CDH15: variants seen among roughly 807,000 people sequenced by gnomAD.
CDH15 encodes the protein cadherin 15, also known as cadherin-15.
In CDH15, 73 loss-of-function variants were observed where a neutral mutation model predicts 69.4. That is an observed-to-expected ratio of 1.05 (90% CI 0.87 to 1.28). CDH15 has a LOEUF of 1.28. Among genes scored for constraint, CDH15 ranks in the 50% most tolerant of loss-of-function variants. CDH15 has a pLI of 0.00. For synonymous variants in CDH15, 624 were observed against 507.7 expected (o/e 1.23, Z -3.08); for missense variants, 1,343 against 1,133.6 (o/e 1.18, Z -2.65).
intron 1 of CDH15, among the ~76,000 whole-genome samples, chr16:89,175,295 G>A (rs2151597472): frequency 6.6e-6 from 1 of 152,334 alleles, no homozygotes; most frequent in East Asian, 1.9e-4. Context: ...CCGGGTGGGG[G>A]TGGCCCCTCC....
chr16:89,194,959 G>A lies in CDH15; in HGVS notation c.2249G>A (p.Ser750Asn). 6.2e-7 allele frequency: 1 copy of A among 1,610,040 alleles called. No individual in the cohort carries two copies. Among genetic ancestry groups the A allele is most frequent in the East Asian group, 2.2e-5 (1 of 44,824 alleles). The change falls in exon 14 of 14, where the codon AGC becomes AAC. Residue 750 changes from serine to asparagine, a missense_variant. Coordinates refer to ENST00000289746, the MANE Select transcript of CDH15 (RefSeq NM_004933.3). The stretch of plus-strand genomic sequence containing the variant: ...GACGGCTCGGTGGCGGGGACGCTGA[G>A]CTCCATCCTGTCCAGCCAGGGCGAT... ...EGDGSVAGTL[S>N]SILSSQGDED...
rs1052105008 is a variant in CDH15 at position 89,179,483 on chromosome 16, C to T, written c.110C>T (p.Ala37Val). 27 of 1,613,512 alleles carry T rather than the reference C, an allele frequency of 1.7e-5. No individual in the cohort carries two copies. The highest frequency in any genetic ancestry group is 2.2e-5 in the Non-Finnish European group (26 of 1,179,892). Residue 37 changes from alanine (A) to valine (V), a missense_variant, in exon 2 of 14, where the codon GCG (alanine) becomes GTG (valine). Coordinates refer to ENST00000289746, the MANE Select transcript of CDH15 (RefSeq NM_004933.3). Reference protein sequence around the residue: ...RPTTLYPWRRAPALSRVRRAW... With the variant: ...RPTTLYPWRRVPALSRVRRAW... ...ACCACCCTGTACCCCTGGCGCCGGG[C>T]GCCTGCCCTGAGCCGCGTGCGGAGG...
rs183691541 is a variant in CDH15 at position 89,191,211 on chromosome 16, C to T, written c.1233-119C>T. The T allele has an allele frequency of 8.8e-6, 10 of 1,136,726 alleles. No individual in the cohort carries two copies. The African/African-American group carries it at 1.2e-4, about 14-fold the overall frequency. 70.4% of individuals were successfully genotyped at this position (1,136,726 alleles called of 1,614,324 possible). ...TATATGTTGTGTGCATGTGTGCATG[C>T]ATGTGGTATGTATGTGTGTGCCTGT... is the stretch of plus-strand genomic sequence containing the variant. On this transcript the variant is annotated intron_variant, in intron 8 of 13. Transcript: ENST00000289746.
chr16:89,179,010 G>A (rs527656959), intron 1 of CDH15, among the ~76,000 whole-genome samples: 1 of 152,336 alleles, frequency 6.6e-6, no homozygotes, highest in Admixed American at 6.5e-5. Context: ...GGGCGAGGCT[G>A]TGTCCCCGCC....
At chr16:89,192,091 G>C (rs566167227) in intron 10 of CDH15, 114 bp from the exon 11 acceptor site, 8 of 1,345,990 alleles carry the variant, frequency 5.9e-6, no homozygotes, top group Admixed American at 5.0e-5. Context: ...CGGTGGGGGT[G>C]GGGGGGACCC....
intron 1 of CDH15, among the ~76,000 whole-genome samples, chr16:89,175,962 T>C (rs1022056804): frequency 6.6e-6 from 1 of 152,230 alleles, no homozygotes; most frequent in Non-Finnish European, 1.5e-5. Context: ...TGTGGGGACC[T>C]CTGTGTGCTG....
At chr16:89,191,602 G>A (rs996572596) in intron 9 of CDH15, 53 bp from the exon 10 acceptor site, 4 of 1,571,256 alleles carry the variant, frequency 2.5e-6, no homozygotes, top group Non-Finnish European at 2.6e-6. Context: ...GAGCCGACTG[G>A]TGGGGCAGGC....
At chr16:89,193,689 G>A (rs1481826078) in intron 12 of CDH15, 66 bp from the exon 13 acceptor site, 2 of 1,574,034 alleles carry the variant, frequency 1.3e-6, no homozygotes, top group Non-Finnish European at 1.7e-6. Flanking sequence ...CCAGGAGCCT[G>A]TACCTGAGAC....
intron 11 of CDH15, among the ~76,000 whole-genome samples, chr16:89,193,182 A>G (rs977982932): frequency 2.3e-5 from 2 of 86,086 alleles, no homozygotes; most frequent in African/African-American, 1.0e-4. Flanking sequence ...CTGCTCGCAA[A>G]CCCCGCCCCC....
At chr16:89,186,710 C>A (rs567922750) in intron 5 of CDH15, among the ~76,000 whole-genome samples, 4 of 147,846 alleles carry the variant, frequency 2.7e-5, no homozygotes, top group Admixed American at 2.7e-4. Flanking sequence ...ACCCAGCGCA[C>A]AGTAGGTGCT....
intron 4 of CDH15, 51 bp from the exon 5 acceptor site, chr16:89,185,122 A>C: frequency 3.2e-6 from 5 of 1,539,280 alleles, no homozygotes; most frequent in Non-Finnish European, 4.4e-6. Flanking sequence ...CAATGCCCCC[A>C]GCCCATCGGC....
intron 4 of CDH15, among the ~76,000 whole-genome samples, chr16:89,184,594 C>G (rs1039257987): frequency 6.6e-6 from 1 of 152,190 alleles, no homozygotes; most frequent in Admixed American, 6.5e-5. Flanking sequence ...CCCAGCCTGC[C>G]CGCGCATCCT....
chr16:89,179,155 G>A (rs1191213839), intron 1 of CDH15, among the ~76,000 whole-genome samples: 1 of 152,238 alleles, frequency 6.6e-6, no homozygotes, highest in African/African-American at 2.4e-5. Flanking sequence ...GGGGCAGCTG[G>A]ATGGGGGCTT....
chr16:89,181,668 G>A (rs556240749), intron 3 of CDH15, among the ~76,000 whole-genome samples: 2 of 152,008 alleles, frequency 1.3e-5, no homozygotes, highest in Admixed American at 6.5e-5. Context: ...GACCGGGTGC[G>A]GTGGCTCACG....
chr16:89,193,981 C>T, intron 13 of CDH15, 68 bp downstream of exon 13: 1 of 1,525,058 alleles, frequency 6.6e-7, no homozygotes. Context: ...TGCACATGTA[C>T]ACACCTGCAC....
intron 5 of CDH15, 190 bp downstream of exon 5, chr16:89,185,523 G>A (rs1366645242): frequency 2.8e-6 from 2 of 721,144 alleles, no homozygotes; most frequent in Admixed American, 4.3e-5. Context: ...GAGCCGCGCT[G>A]GCCCGGGTGG....
rs745771690 is a variant in CDH15, at chr16:89,190,373, A to G, written c.1109A>G (p.Asn370Ser). The change falls in exon 8 of 14, where the codon AAC becomes AGC. Residue 370 changes from asparagine to serine, a missense_variant. Asn to Ser is a conservative substitution (Grantham distance 46). Transcript: ENST00000289746. The stretch of plus-strand genomic sequence containing the variant: ...GTCCGCGTGCATGTGCAGGACACCA[A>G]CGAGCCCCCCGTGTTCCAGGAGAAC... ...AKVRVHVQDT[N>S]EPPVFQENPL... The G allele has an allele frequency of 3.7e-6, 6 of 1,612,890 alleles. No homozygotes were observed. The highest frequency in any genetic ancestry group is 3.3e-5 in the Admixed American group (2 of 59,986).
Position 89,192,290 on chromosome 16 carries a change from G to GC in CDH15, c.1705dup (p.Gln569ProfsTer88). 1 of 1,531,954 alleles carries GC rather than the reference G, an allele frequency of 6.5e-7. No homozygotes were observed. Among genetic ancestry groups the GC allele is most frequent in the South Asian group, 1.2e-5 (1 of 83,830 alleles). The allele number at this position is 1,531,954 out of a possible 1,614,324, so 94.9% of individuals were successfully genotyped here. ...TGCTGCTCCGGGACTCGGGGCAGCC[G>GC]CCCCAGCAGCGCGAGCAGCCTCTGA... is the stretch of plus-strand genomic sequence containing the variant. On this transcript the variant is annotated frameshift_variant, in exon 11 of 14. Transcript: ENST00000289746. LOFTEE classifies it high-confidence loss of function.
intron 1 of CDH15, among the ~76,000 whole-genome samples, chr16:89,174,395 G>A (rs1002925800): frequency 2.0e-5 from 3 of 152,186 alleles, no homozygotes; most frequent in Admixed American, 6.5e-5. Flanking sequence ...CTAGAATCTC[G>A]TAGCACCCTT....
Sources: gnomAD v4.1 joint callset for allele counts (sites outside exome capture counted in the v4.1 genomes callset) on GRCh38, gnomAD v4.1.1 for gene constraint, MANE v1.5 for transcripts, NCBI Gene and HGNC (gene_info 2026-07-23, HGNC 2026-07-21) for gene names.